PLRG1: variants seen among roughly 807,000 people sequenced by gnomAD.
PLRG1 encodes pleiotropic regulator 1 (PRL1 homolog, Arabidopsis).
Under a neutral mutation model 74.9 loss-of-function variants are expected in PLRG1, and 28 were observed. The observed-to-expected ratio is 0.37, with a 90% CI of 0.28 to 0.51. PLRG1 has a LOEUF of 0.51. Among genes scored for constraint, PLRG1 ranks in the 20% least tolerant of loss-of-function variants. The pLI, the probability that PLRG1 is intolerant of heterozygous loss-of-function variation, is 0.91. For missense variants in PLRG1, 445 were observed against 631.9 expected (o/e 0.70, Z 3.17); for synonymous variants, 197 against 212.4 (o/e 0.93, Z 0.63).
rs57816603 is a variant in PLRG1 at position 154,536,370 on chromosome 4, AT to A, written c.*314del. The A allele has an allele frequency of 6.3e-5, 12 of 191,524 alleles. No individual in the cohort carries two copies. The highest frequency in any genetic ancestry group is 1.2e-4 in the East Asian group (1 of 8,050). 11.9% of individuals were successfully genotyped at this position (191,524 alleles called of 1,614,324 possible). On this transcript the variant is annotated 3_prime_UTR_variant, in exon 15 of 15. Coordinates refer to ENST00000499023, the MANE Select transcript of PLRG1 (RefSeq NM_002669.4). Reference sequence around the variant, plus strand: ...AATGTCCTAATTATCGGTTTCATACATTTTTTTTAAAAAAGGGGGTTTTCTA... The same window carrying A: ...AATGTCCTAATTATCGGTTTCATACATTTTTTTAAAAAAGGGGGTTTTCTA...
chr4:154,547,379 T>C, intron 3 of PLRG1: 1 of 504,240 alleles, frequency 2.0e-6, no homozygotes, highest in Non-Finnish European at 3.5e-6. Context: ...GATTTCAGTA[T>C]TTAATTTCAT....
rs1311175692 is a variant in PLRG1 at position 154,545,935 on chromosome 4, G to T, written c.405-12C>A. 14 of 1,569,330 alleles carry T rather than the reference G, an allele frequency of 8.9e-6. No homozygotes were observed. The highest frequency in any genetic ancestry group is 4.1e-5 in the African/African-American group (3 of 73,516). On this transcript the variant is annotated splice_polypyrimidine_tract_variant and intron_variant, in intron 5 of 14. Transcript: ENST00000499023. ...GATTTGCATCAGCCCTGGGGCAAAA[G>T]AAATAATATTTTCAAAGTAATTAAT...
intron 14 of PLRG1, 72 bp downstream of exon 14, chr4:154,537,214 A>G: frequency 1.1e-6 from 1 of 878,936 alleles, no homozygotes; most frequent in East Asian, 2.5e-5. Flanking sequence ...TTTCCTTCTG[A>G]TAATTAAATG....
chr4:154,538,919 G>GT, intron 12 of PLRG1, 186 bp downstream of exon 12: 1 of 521,348 alleles, frequency 1.9e-6, no homozygotes, highest in East Asian at 2.9e-5. Context: ...CTTTCCTCAT[G>GT]TTTTATAGGG....
rs771872836 is a variant in PLRG1, at chr4:154,544,551, A to C, written c.493-5T>G. On this transcript the variant is annotated splice_polypyrimidine_tract_variant and splice_region_variant and intron_variant, in intron 6 of 14. Coordinates refer to ENST00000499023, the MANE Select transcript of PLRG1 (RefSeq NM_002669.4). ...ATTGCCAGTCTCCATGACAATCTAG[A>C]CATAGAAGAGACATTATTATTATTA... The C allele has an allele frequency of 2.7e-6, 4 of 1,508,976 alleles. No homozygotes were observed. The South Asian group carries it at 3.4e-5, about 13-fold the overall frequency. 93.5% of individuals were successfully genotyped at this position (1,508,976 alleles called of 1,614,324 possible). A position where few individuals can be genotyped will look rare whatever the true frequency, so the allele number is the denominator to read the frequency against.
chr4:154,540,649 T>C lies in PLRG1; in HGVS notation c.884A>G (p.Asp295Gly). 1 of 1,613,768 alleles carries C rather than the reference T, an allele frequency of 6.2e-7. No individual in the cohort carries two copies. Among genetic ancestry groups the C allele is most frequent in the Non-Finnish European group, 8.5e-7 (1 of 1,179,774 alleles). The change falls in exon 10 of 15, where the codon GAT becomes GGT. Residue 295 changes from aspartate to glycine, a missense_variant. Asp to Gly is a moderately conservative substitution (Grantham distance 94). Transcript: ENST00000499023. ...HGHLSAVYGL[D>G]LHPTIDVLVT... ...CAACACATCGATTGTCGGGTGCAAA[T>C]CCAAACCATACACTGCACTTAAATG...
intron 1 of PLRG1, among the ~76,000 whole-genome samples, chr4:154,550,022 C>T (rs1215357106): frequency 2.6e-5 from 4 of 152,186 alleles, no homozygotes; most frequent in African/African-American, 4.8e-5. Flanking sequence ...CAACAGAGGC[C>T]CCGCCTCCGA....
rs145418199 is a variant in PLRG1, at chr4:154,540,023, G to A, written c.970C>T (p.His324Tyr). Reference protein sequence around the residue: ...IWDVRTKASVHTLSGHTNAVA... With the variant: ...IWDVRTKASVYTLSGHTNAVA... Reference sequence around the variant, plus strand: ...GCATTTGTATGTCCAGATAATGTGTGTACACTGGCTTTAGTTCTCACATCC... The same window carrying A: ...GCATTTGTATGTCCAGATAATGTGTATACACTGGCTTTAGTTCTCACATCC... The change falls in exon 11 of 15, where the codon CAC (histidine) becomes TAC (tyrosine). Residue 324 changes from histidine (H) to tyrosine (Y), a missense_variant. His to Tyr is a moderately conservative substitution (Grantham distance 83). Coordinates refer to ENST00000499023, the MANE Select transcript of PLRG1 (RefSeq NM_002669.4). 192 of 1,597,902 alleles carry A rather than the reference G, an allele frequency of 1.2e-4. No individual in the cohort carries two copies. The highest frequency in any genetic ancestry group is 1.7e-4 in the Middle Eastern group (1 of 6,056).
chr4:154,542,366 C>T lies in PLRG1; in HGVS notation c.595-87G>A, dbSNP rs1007386600. 7 of 742,408 alleles carry T rather than the reference C, an allele frequency of 9.4e-6. No individual in the cohort carries two copies. In the African/African-American group the frequency reaches 1.2e-4, roughly 13 times the overall value. 46.0% of individuals were successfully genotyped at this position (742,408 alleles called of 1,614,324 possible). ...CTGCAGCCCGAGTTTGAATTGCCCTCCCATCTTCAAATCATAAAAGATAAT... is the reference window on the plus strand; with the variant it reads ...CTGCAGCCCGAGTTTGAATTGCCCTTCCATCTTCAAATCATAAAAGATAAT... On this transcript the variant is annotated intron_variant, in intron 7 of 14. Transcript: ENST00000499023.
chr4:154,544,534 T>A lies in PLRG1; in HGVS notation c.505A>T (p.Thr169Ser). ...PTAMNSIVME[T>S]GNTKNSALMA... ...AGTGCAGAGTTCTTGGTATTGCCAG[T>A]CTCCATGACAATCTAGACATAGAAG... Residue 169 changes from threonine (T) to serine (S), a missense_variant, in exon 7 of 15, where the codon ACT becomes TCT. By Grantham distance (58) the Thr-to-Ser change is moderately conservative. This residue lies in a region of PLRG1 where 206 missense variants were observed against 210.8 expected (regional missense o/e 0.98). Coordinates refer to ENST00000499023, the MANE Select transcript of PLRG1 (RefSeq NM_002669.4). 1 of 1,599,102 alleles carries A rather than the reference T, an allele frequency of 6.3e-7. No homozygotes were observed. The highest frequency in any genetic ancestry group is 2.2e-5 in the East Asian group (1 of 44,802).
In PLRG1 at chr4:154,542,169, T is replaced by C. The variant is rs573939697; in HGVS notation, c.687+18A>G. On this transcript the variant is annotated intron_variant, in intron 8 of 14. Coordinates refer to ENST00000499023, the MANE Select transcript of PLRG1 (RefSeq NM_002669.4). Reference sequence around the variant, plus strand: ...ACAAACACAAAGTCATGTTTATTTTTTCTTCCTTCATTATTACCTTTATAG... The same window carrying C: ...ACAAACACAAAGTCATGTTTATTTTCTCTTCCTTCATTATTACCTTTATAG... The C allele has an allele frequency of 1.4e-6, 2 of 1,425,654 alleles. No individual in the cohort carries two copies. Among genetic ancestry groups the C allele is most frequent in the Non-Finnish European group, 2.0e-6 (2 of 1,008,050 alleles). 88.3% of individuals were successfully genotyped at this position (1,425,654 alleles called of 1,614,324 possible). A position where few individuals can be genotyped will look rare whatever the true frequency, so the allele number is the denominator to read the frequency against.
At chr4:154,537,254 T>C (rs1428956021) in intron 14 of PLRG1, 32 bp downstream of exon 14, 1 of 1,467,174 alleles carries the variant, frequency 6.8e-7, no homozygotes, top group Non-Finnish European at 9.5e-7. Context: ...GTATAGCTGT[T>C]TTACTTAACG....
At chr4:154,537,157 G>A in intron 14 of PLRG1, 129 bp downstream of exon 14, 2 of 567,952 alleles carry the variant, frequency 3.5e-6, no homozygotes, top group Non-Finnish European at 6.0e-6. Context: ...ATATATAAAT[G>A]GACACTATTC....
chr4:154,548,664 CA>C (rs945598739), intron 2 of PLRG1, among the ~76,000 whole-genome samples, 164 bp downstream of exon 2: 51 of 145,550 alleles, frequency 3.5e-4, no homozygotes, highest in Admixed American at 2.7e-3. Context: ...TGTAAAAGGC[CA>C]AAAAAAAAAG....
At chr4:154,540,522 C>T (rs1157619710) in intron 10 of PLRG1, 72 bp downstream of exon 10, 6 of 935,906 alleles carry the variant, frequency 6.4e-6, no homozygotes, top group Non-Finnish European at 1.1e-5. Flanking sequence ...CAATTGAAGA[C>T]ACTGAAACCG....
chr4:154,544,756 C>T (rs186153248), intron 6 of PLRG1, among the ~76,000 whole-genome samples: 10 of 152,292 alleles, frequency 6.6e-5, no homozygotes, highest in South Asian at 6.2e-4. Context: ...TCACTGTGTA[C>T]GGGTTCAAAA....
rs1443606407 is a variant in PLRG1 at position 154,542,101 on chromosome 4, G to A, written c.687+86C>T. On this transcript the variant is annotated intron_variant, in intron 8 of 14. Transcript: ENST00000499023. Reference sequence around the variant, plus strand: ...CTAAAATAACAGAGGAACTGCAATAGCAATTCCTGCCACAGGAAATAATAA... The same window carrying A: ...CTAAAATAACAGAGGAACTGCAATAACAATTCCTGCCACAGGAAATAATAA... 6.2e-6 allele frequency: 5 copies of A among 812,920 alleles called. No individual in the cohort carries two copies. In the Admixed American group the frequency reaches 7.8e-5, roughly 13 times the overall value. The allele number at this position is 812,920 out of a possible 1,614,324, so 50.4% of individuals were successfully genotyped here.
intron 6 of PLRG1, 152 bp from the exon 7 acceptor site, chr4:154,544,698 C>T: frequency 1.7e-6 from 1 of 585,252 alleles, no homozygotes; most frequent in South Asian, 2.1e-5. Context: ...CTTAAAAAAG[C>T]AATTATAAAA....
chr4:154,547,667 A>C, intron 3 of PLRG1, 44 bp downstream of exon 3: 1 of 1,571,856 alleles, frequency 6.4e-7, no homozygotes, highest in Non-Finnish European at 8.7e-7. Flanking sequence ...TCTGTTTTTA[A>C]AATTCACATA....
Sources: gnomAD v4.1 joint callset for allele counts (sites outside exome capture counted in the v4.1 genomes callset) on GRCh38, gnomAD v4.1.1 for gene constraint, gnomAD v4.1.1 regional missense constraint, MANE v1.5 for transcripts, NCBI Gene and HGNC (gene_info 2026-07-23, HGNC 2026-07-21) for gene names.